Variants in PBX1 observed in about 807,000 individuals in gnomAD.
PBX1 encodes PBX homeobox 1.
In PBX1, 6 loss-of-function variants were observed where a neutral mutation model predicts 53.4. That is an observed-to-expected ratio of 0.11 (90% confidence interval 0.06 to 0.22). The LOEUF is 0.22. Among genes scored for constraint, PBX1 ranks in the 10% least tolerant of loss-of-function variants. The pLI is 1.00. For missense variants in PBX1, 251 were observed against 551.4 expected, an observed-to-expected ratio of 0.46 and a Z score of 5.46; for synonymous variants, 204 against 212.3, an observed-to-expected ratio of 0.96 and a Z score of 0.34.
At chr1:164,634,731 C>T (rs775671054) in intron 2 of PBX1, among the ~76,000 whole-genome samples, 10 of 152,140 alleles carry the variant, frequency 6.6e-5, no homozygotes, top group East Asian at 3.9e-4. Flanking sequence ...AGGACTCCCT[C>T]GGACATGGTT....
chr1:164,771,296 G>A (rs1667358523), intron 2 of PBX1: 1 of 152,062 alleles, frequency 6.6e-6, no homozygotes, highest in Non-Finnish European at 1.5e-5. Flanking sequence ...CGGGGGTGGT[G>A]TTCAGCCTTC....
At position 164,626,743 on chromosome 1, in the gene PBX1, A is replaced by G. The variant is rs115050859; in HGVS notation, c.265+63432A>G. 7.0e-3 allele frequency among the ~76,000 whole-genome samples: 1,060 copies of G among 152,300 alleles called. 10 individuals are homozygous for G. The highest frequency in any genetic ancestry group is 0.023 in the African/African-American group (968 of 41,562). ...TATGTATGTGGCTTAGTCAAAAGCT[A>G]TTTCCTGAATCTCTCGTGTTTAGAT... On this transcript the variant is annotated intron_variant, in intron 2 of 8. Coordinates refer to ENST00000420696, the MANE Select transcript of PBX1 (RefSeq NM_002585.4).
At chr1:164,751,592 T>TC (rs1666224489) in intron 2 of PBX1, among the ~76,000 whole-genome samples, 3 of 150,696 alleles carry the variant, frequency 2.0e-5, no homozygotes, top group African/African-American at 7.3e-5. Flanking sequence ...TTTTTTTTTT[T>TC]TTTTTTTGAG....
intron 2 of PBX1, among the ~76,000 whole-genome samples, chr1:164,616,748 C>T (rs1468814716): frequency 2.6e-5 from 4 of 152,284 alleles, no homozygotes; most frequent in East Asian, 3.9e-4. Context: ...GAGATTATTC[C>T]GTCCTTTTAC....
intron 2 of PBX1, among the ~76,000 whole-genome samples, chr1:164,862,920 C>G (rs1309832739): frequency 6.6e-6 from 1 of 152,206 alleles, no homozygotes; most frequent in Non-Finnish European, 1.5e-5. Flanking sequence ...AAAGCTGTCT[C>G]TCTGGAGTCT....
intron 2 of PBX1, among the ~76,000 whole-genome samples, chr1:164,650,928 T>C (rs555162873): frequency 4.4e-4 from 66 of 148,630 alleles, no homozygotes; most frequent in African/African-American, 1.5e-3. Flanking sequence ...CAGGGAGGGA[T>C]GGTGGTTGAA....
intron 2 of PBX1, chr1:164,774,541 G>A (rs12737465): frequency 0.64 from 97,806 of 152,128 alleles, 32,158 homozygotes; most frequent in East Asian, 0.77. Flanking sequence ...GTTAGAGGCC[G>A]TGGGCTGTGT....
At chr1:164,572,851 G>A (rs191520144) in intron 2 of PBX1, among the ~76,000 whole-genome samples, 5 of 152,202 alleles carry the variant, frequency 3.3e-5, no homozygotes, top group Admixed American at 2.0e-4. Context: ...TGGCCTTGTC[G>A]GTTCAGGTTG....
chr1:164,677,722 G>T (rs1659597489), intron 2 of PBX1, among the ~76,000 whole-genome samples: 1 of 152,062 alleles, frequency 6.6e-6, no homozygotes, highest in Non-Finnish European at 1.5e-5. Context: ...AGTGTGTGCA[G>T]GGTGGGGACA....
chr1:164,822,121 ATCT>A (rs1435458749), intron 8 of PBX1, among the ~76,000 whole-genome samples: 1 of 152,132 alleles, frequency 6.6e-6, no homozygotes, highest in Admixed American at 6.6e-5. Context: ...GATGCAGACC[ATCT>A]TCTACTTGTT....
chr1:164,869,465 T>A (rs182373987), intron 2 of PBX1, among the ~76,000 whole-genome samples: 50 of 152,284 alleles, frequency 3.3e-4, no homozygotes, highest in African/African-American at 1.2e-3. Context: ...TTGGTTCACG[T>A]GTCCCTGAAT....
rs568590481 is a variant in PBX1 at position 164,686,850 on chromosome 1, G to A, written c.266-105644G>A. Among the ~76,000 whole-genome samples the A allele has an allele frequency of 2.4e-4, 36 of 152,070 alleles. 1 individual carries two copies. Among genetic ancestry groups the A allele is most frequent in the Middle Eastern group, 3.4e-3 (1 of 294 alleles). On this transcript the variant is annotated intron_variant, in intron 2 of 8. Coordinates refer to ENST00000420696, the MANE Select transcript of PBX1 (RefSeq NM_002585.4). The stretch of plus-strand genomic sequence containing the variant: ...CGGGCGCCTGTAGTCCCAGCTACTC[G>A]GGAGGCTGGGGTAGGAGAATGTCGT...
intron 2 of PBX1, among the ~76,000 whole-genome samples, chr1:164,695,216 C>A (rs1296420824): frequency 6.6e-6 from 1 of 152,164 alleles, no homozygotes; most frequent in Non-Finnish European, 1.5e-5. Flanking sequence ...CATATGCTTT[C>A]TTTAGTGGAA....
At chr1:164,707,898 C>G (rs1663533472) in intron 2 of PBX1, among the ~76,000 whole-genome samples, 1 of 152,314 alleles carries the variant, frequency 6.6e-6, no homozygotes, top group East Asian at 1.9e-4. Flanking sequence ...TGATTAGAAG[C>G]CCTGCATTAA....
intron 5 of PBX1, among the ~76,000 whole-genome samples, chr1:164,809,505 A>G (rs1669506335): frequency 6.6e-6 from 1 of 152,216 alleles, no homozygotes; most frequent in African/African-American, 2.4e-5. Flanking sequence ...GCATTAAGCA[A>G]GGAGCCTATT....
At chr1:164,770,989 A>G (rs981216829) in intron 2 of PBX1, 3 of 151,892 alleles carry the variant, frequency 2.0e-5, no homozygotes, top group African/African-American at 7.3e-5. Context: ...TAGGATGGGT[A>G]CACTTCACTC....
chr1:164,708,610 C>T (rs1306774954), intron 2 of PBX1, among the ~76,000 whole-genome samples: 1 of 152,110 alleles, frequency 6.6e-6, no homozygotes, highest in Non-Finnish European at 1.5e-5. Flanking sequence ...TTCATGTATA[C>T]CCATTGTTTA....
chr1:164,648,986 T>A (rs1402965482), intron 2 of PBX1, among the ~76,000 whole-genome samples: 2 of 152,206 alleles, frequency 1.3e-5, no homozygotes, highest in African/African-American at 4.8e-5. Flanking sequence ...TTGTGATTGA[T>A]GTGACTTAGG....
chr1:164,690,278 GAC>G (rs1363334159), intron 2 of PBX1, among the ~76,000 whole-genome samples: 1 of 152,054 alleles, frequency 6.6e-6, no homozygotes, highest in African/African-American at 2.4e-5. Flanking sequence ...GGATCAGACA[GAC>G]AGACTGCTGT....
Sources: gnomAD v4.1 joint callset for allele counts (sites outside exome capture counted in the v4.1 genomes callset) on GRCh38, gnomAD v4.1.1 for gene constraint, MANE v1.5 for transcripts, NCBI Gene and HGNC (gene_info 2026-07-23, HGNC 2026-07-21) for gene names.